Variants in CDH11 observed in about 807,000 individuals in gnomAD.
CDH11 encodes the protein cadherin-11.
A neutral mutation model predicts 67.8 loss-of-function variants in CDH11; 11 were observed. That is an observed-to-expected ratio of 0.16 (90% CI 0.10 to 0.27). CDH11 has a LOEUF of 0.27. CDH11 is among the 10% of genes least tolerant of loss of function. CDH11 has a pLI of 1.00. For missense variants in CDH11, 847 were observed against 1,031.2 expected, an observed-to-expected ratio of 0.82 and a Z score of 2.45; for synonymous variants, 419 against 400.0, an observed-to-expected ratio of 1.05 and a Z score of -0.57.
intron 1 of CDH11, among the ~76,000 whole-genome samples, chr16:65,083,206 G>GCA (rs1483209959): frequency 1.3e-5 from 2 of 152,138 alleles, no homozygotes; most frequent in East Asian, 3.9e-4. Flanking sequence ...TTTGGAATTT[G>GCA]GATCCACGTT....
In CDH11 at chr16:65,004,971, C is replaced by T. The variant is rs2073016340; in HGVS notation, c.-102G>A. The T allele has an allele frequency of 1.4e-6, 2 of 1,433,674 alleles. No homozygotes were observed. Among genetic ancestry groups the T allele is most frequent in the East Asian group, 2.6e-5 (1 of 38,034 alleles). 88.8% of individuals were successfully genotyped at this position (1,433,674 alleles called of 1,614,324 possible). ...GGCCTCCCGGACGCGTCACGCAGACCTCTCTTGGGATGGAATGTCTCTGCT... is the reference window on the plus strand; with the variant it reads ...GGCCTCCCGGACGCGTCACGCAGACTTCTCTTGGGATGGAATGTCTCTGCT... On this transcript the variant is annotated 5_prime_UTR_variant, in exon 3 of 13. Coordinates refer to ENST00000268603, the MANE Select transcript of CDH11 (RefSeq NM_001797.4).
At chr16:65,079,625 T>G (rs998792564) in intron 1 of CDH11, among the ~76,000 whole-genome samples, 2 of 152,216 alleles carry the variant, frequency 1.3e-5, no homozygotes, top group Non-Finnish European at 2.9e-5. Context: ...CTCATAGCCT[T>G]GTTCCTCTCT....
At chr16:65,078,548 T>C (rs1395639811) in intron 1 of CDH11, among the ~76,000 whole-genome samples, 1 of 152,180 alleles carries the variant, frequency 6.6e-6, no homozygotes. Context: ...CCCATCACAC[T>C]GCAAGAAGCT....
chr16:65,005,428 C>T (rs1336958733), intron 2 of CDH11, among the ~76,000 whole-genome samples: 3 of 152,162 alleles, frequency 2.0e-5, no homozygotes, highest in Admixed American at 6.5e-5. Flanking sequence ...AGGGAGAGGA[C>T]AGATGGCTGG....
rs147033764 is a variant in CDH11, at chr16:64,950,995, G to T, written c.1666C>A (p.Arg556=). The T allele has an allele frequency of 9.3e-6, 15 of 1,613,754 alleles. No homozygotes were observed. Among genetic ancestry groups the T allele is most frequent in the Non-Finnish European group, 1.2e-5 (14 of 1,180,012 alleles). Residue 556 remains arginine (R), a synonymous_variant, in exon 12 of 13, where the codon CGG becomes AGG. Coordinates refer to ENST00000268603, the MANE Select transcript of CDH11 (RefSeq NM_001797.4). ...NRDNTAGVYA[R]RGGFSRQKQD... is the part of the protein sequence containing the mutation. The stretch of plus-strand genomic sequence containing the variant: ...TTCTGCCGACTGAACCCTCCACGCC[G>T]GGCGTACACGCCTGCTGTGTTATCT...
In CDH11 at chr16:64,947,491, T is replaced by C. The variant is rs1394524389; in HGVS notation, c.*112A>G. 6.6e-7 allele frequency: 1 copy of C among 1,507,414 alleles called. No homozygotes were observed. Among genetic ancestry groups the C allele is most frequent in the Non-Finnish European group, 8.8e-7 (1 of 1,131,026 alleles). 93.4% of individuals were successfully genotyped at this position (1,507,414 alleles called of 1,614,324 possible). ...TAAATGTATCCTCTCTGTAAAACTT[T>C]GCCTGTTTTAAATGAGCCTTTCCTT... is the stretch of plus-strand genomic sequence containing the variant. On this transcript the variant is annotated 3_prime_UTR_variant, in exon 13 of 13. Transcript: ENST00000268603.
chr16:65,103,685 G>A (rs931670647), intron 1 of CDH11, among the ~76,000 whole-genome samples: 2 of 152,100 alleles, frequency 1.3e-5, no homozygotes, highest in Non-Finnish European at 2.9e-5. Flanking sequence ...GTTGAGACCT[G>A]CACTATTTGT....
rs558463496 is a variant in CDH11 at position 65,004,922 on chromosome 16, C to A, written c.-53G>T. The A allele has an allele frequency of 1.4e-6, 2 of 1,465,846 alleles. No homozygotes were observed. The highest frequency in any genetic ancestry group is 2.8e-5 in the South Asian group (2 of 70,922). 90.8% of individuals were successfully genotyped at this position (1,465,846 alleles called of 1,614,324 possible). A position where few individuals can be genotyped will look rare whatever the true frequency, so the allele number is the denominator to read the frequency against. On this transcript the variant is annotated 5_prime_UTR_variant, in exon 3 of 13. Transcript: ENST00000268603. ...ATGCAGCTGTCACCCCTTCCACCAACTGTACGGTGGTCTTGCTGAGGGTGG... is the reference window on the plus strand; with the variant it reads ...ATGCAGCTGTCACCCCTTCCACCAAATGTACGGTGGTCTTGCTGAGGGTGG...
intron 1 of CDH11, among the ~76,000 whole-genome samples, chr16:65,116,811 A>G (rs1258368114): frequency 6.6e-6 from 1 of 152,156 alleles, no homozygotes; most frequent in African/African-American, 2.4e-5. Context: ...AAGAAATAGC[A>G]TCATTAGTCT....
chr16:65,027,791 T>C (rs985176965), intron 2 of CDH11, among the ~76,000 whole-genome samples: 7 of 152,146 alleles, frequency 4.6e-5, no homozygotes, highest in African/African-American at 1.4e-4. Context: ...AAGGTCTAAG[T>C]TTTCATCCTC....
intron 1 of CDH11, among the ~76,000 whole-genome samples, chr16:65,064,950 G>A (rs1452909221): frequency 2.6e-5 from 4 of 152,140 alleles, no homozygotes; most frequent in East Asian, 1.9e-4. Flanking sequence ...GAGGCCCAAC[G>A]GGGACATGGG....
chr16:65,076,048 G>A (rs1397728072), intron 1 of CDH11, among the ~76,000 whole-genome samples: 1 of 152,096 alleles, frequency 6.6e-6, no homozygotes, highest in Non-Finnish European at 1.5e-5. Flanking sequence ...CCTGTGGGAG[G>A]GGCTGTGAGC....
chr16:65,032,877 CT>C (rs1303988679), intron 2 of CDH11, among the ~76,000 whole-genome samples: 1 of 152,106 alleles, frequency 6.6e-6, no homozygotes, highest in Non-Finnish European at 1.5e-5. Flanking sequence ...AGACCTAATC[CT>C]GATTAACGTT....
intron 2 of CDH11, among the ~76,000 whole-genome samples, chr16:65,048,047 T>C (rs912439317): frequency 1.3e-5 from 2 of 152,242 alleles, no homozygotes; most frequent in Non-Finnish European, 2.9e-5. Flanking sequence ...GGTTCCATTG[T>C]TGTATTGATA....
chr16:64,981,833 A>G (rs2072358089), intron 8 of CDH11: 1 of 410,728 alleles, frequency 2.4e-6, no homozygotes, highest in African/African-American at 2.0e-5. Context: ...GCTCCAGAGC[A>G]AAGTCATGTA....
intron 4 of CDH11, among the ~76,000 whole-genome samples, chr16:64,995,133 C>T (rs1439445554): frequency 6.6e-6 from 1 of 151,908 alleles, no homozygotes; most frequent in Non-Finnish European, 1.5e-5. Flanking sequence ...AATGTTTTCC[C>T]ATTTGATATC....
At chr16:65,009,270 C>G (rs542404514) in intron 2 of CDH11, among the ~76,000 whole-genome samples, 1 of 152,154 alleles carries the variant, frequency 6.6e-6, no homozygotes, top group South Asian at 2.1e-4. Context: ...AAAGAAAAAG[C>G]ATTTTATATC....
At chr16:64,973,577 G>T (rs113552026) in intron 8 of CDH11, among the ~76,000 whole-genome samples, 1 of 152,108 alleles carries the variant, frequency 6.6e-6, no homozygotes, top group African/African-American at 2.4e-5. Context: ...AGGCCAAGGC[G>T]GATGGATCAT....
chr16:65,118,332 G>A (rs1407043602), intron 1 of CDH11, among the ~76,000 whole-genome samples: 2 of 152,124 alleles, frequency 1.3e-5, no homozygotes, highest in Middle Eastern at 3.2e-3. Flanking sequence ...GGCTATCACA[G>A]GAATCCTGAT....
Sources: allele counts gnomAD v4.1 joint callset (sites outside exome capture counted in the v4.1 genomes callset), GRCh38; gene constraint gnomAD v4.1.1; transcripts MANE v1.5; gene names NCBI Gene and HGNC (gene_info 2026-07-23, HGNC 2026-07-21).